Variants in MACF1 observed in about 807,000 individuals in gnomAD.
MACF1 encodes the protein microtubule-actin cross-linking factor 1.
Under a neutral mutation model 854.8 loss-of-function variants are expected in MACF1, and 193 were observed. That is an observed-to-expected ratio of 0.23 (90% CI 0.20 to 0.25). The LOEUF (loss-of-function observed/expected upper bound fraction) is 0.25. MACF1 is among the 10% of genes least tolerant of loss of function. MACF1 has a pLI of 1.00. For synonymous variants in MACF1, 3,185 were observed against 3,226.7 expected, an observed-to-expected ratio of 0.99 and a Z score of 0.44; for missense variants, 7,722 against 8,929.1, an observed-to-expected ratio of 0.86 and a Z score of 5.45.
chr1:39,205,190 T>C, intron 1 of MACF1, 59 bp downstream of exon 1: 1 of 700,326 alleles, frequency 1.4e-6, no homozygotes, highest in Non-Finnish European at 2.6e-6. Context: ...GAGGGTGGGG[T>C]GAATGATGGA....
intron 2 of MACF1, among the ~76,000 whole-genome samples, chr1:39,090,301 G>C (rs1420085672): frequency 4.6e-5 from 7 of 152,182 alleles, no homozygotes; most frequent in Admixed American, 4.6e-4. Flanking sequence ...CCCTGTCCTG[G>C]AGCTTGGTTT....
In MACF1 at chr1:39,283,059, A is replaced by G; in HGVS notation, c.696-130A>G. ...TAAAAATGGAATTTGTACTCTTCTA[A>G]ACCTCCTGCTTTTTCTCTAACTCAC... On this transcript the variant is annotated intron_variant, in intron 7 of 100. Transcript: ENST00000564288. The surrounding 1 kb of genome is among the most constrained non-coding windows in gnomAD (Gnocchi z 4.5). The G allele has an allele frequency of 1.6e-6, 1 of 638,216 alleles. No homozygotes were observed. Among genetic ancestry groups the G allele is most frequent in the South Asian group, 2.0e-5 (1 of 51,028 alleles). 39.5% of individuals were successfully genotyped at this position (638,216 alleles called of 1,614,324 possible). A position where few individuals can be genotyped will look rare whatever the true frequency, so the allele number is the denominator to read the frequency against.
At chr1:39,391,607 G>A (rs1284296820) in intron 58 of MACF1, among the ~76,000 whole-genome samples, 1 of 152,168 alleles carries the variant, frequency 6.6e-6, no homozygotes, top group Non-Finnish European at 1.5e-5. Context: ...GAGCTAAAAT[G>A]TACAAAAGAG....
intron 1 of MACF1, among the ~76,000 whole-genome samples, chr1:39,217,579 T>G (rs1644592131): frequency 6.6e-6 from 1 of 152,016 alleles, no homozygotes; most frequent in Non-Finnish European, 1.5e-5. Flanking sequence ...AAAAAGGGAT[T>G]AAAACAGACT....
chr1:39,433,637 T>G (rs1474541391), intron 68 of MACF1, among the ~76,000 whole-genome samples: 1 of 152,210 alleles, frequency 6.6e-6, no homozygotes, highest in Non-Finnish European at 1.5e-5. Context: ...ATTCATAAAC[T>G]GACTGAGCTA....
intron 6 of MACF1, among the ~76,000 whole-genome samples, chr1:39,265,079 A>C (rs1645215429): frequency 6.6e-6 from 1 of 152,244 alleles, no homozygotes. Flanking sequence ...AGAATCTGAC[A>C]AAACTAGTTT....
Position 39,423,901 on chromosome 1 carries a change from A to G in MACF1, c.16150-127A>G, listed in dbSNP as rs76466856. 2.1e-3 allele frequency: 1,555 copies of G among 746,596 alleles called. 12 individuals carry two copies. In the African/African-American group the frequency reaches 0.022, roughly 11 times the overall value. 46.2% of individuals were successfully genotyped at this position (746,596 alleles called of 1,614,324 possible). A position where few individuals can be genotyped will look rare whatever the true frequency, so the allele number is the denominator to read the frequency against. On this transcript the variant is annotated intron_variant, in intron 60 of 100. Transcript: ENST00000564288. ...ATCTCCTGTTTTTGCCCCAAGGATG[A>G]AAAAAACTTCTTTTACTCAATGAAG...
chr1:39,395,559 T>C (rs1642240158), intron 58 of MACF1, among the ~76,000 whole-genome samples: 1 of 152,236 alleles, frequency 6.6e-6, no homozygotes, highest in African/African-American at 2.4e-5. Flanking sequence ...GATGATGCAT[T>C]GCCAAAGAGA....
Position 39,340,500 on chromosome 1 carries a change from A to T in MACF1, c.10216-2A>T. 6.2e-7 allele frequency: 1 copy of T among 1,605,284 alleles called. No homozygotes were observed. Among genetic ancestry groups the T allele is most frequent in the Non-Finnish European group, 8.5e-7 (1 of 1,173,898 alleles). Reference sequence around the variant, plus strand: ...ATAGGTAACTCCACTTTATTCCCTCAGGTATTAGAAAGGGAGTTAAAGGAT... The same window carrying T: ...ATAGGTAACTCCACTTTATTCCCTCTGGTATTAGAAAGGGAGTTAAAGGAT... On this transcript the variant is annotated splice_acceptor_variant, in intron 38 of 100. Transcript: ENST00000564288. LOFTEE classifies it high-confidence loss of function.
chr1:39,334,205 G>C lies in MACF1; in HGVS notation c.7617G>C (p.Glu2539Asp). ...EDLAEKLKRV[E>D]NLNIHQIFNP... Reference sequence around the variant, plus strand: ...TAGCCGAGAAACTCAAAAGAGTTGAGAACTTAAACATCCATCAGATTTTTA... The same window carrying C: ...TAGCCGAGAAACTCAAAAGAGTTGACAACTTAAACATCCATCAGATTTTTA... Residue 2539 changes from glutamate (E) to aspartate (D), a missense_variant, in exon 37 of 101, where the codon GAG (glutamate) becomes GAC (aspartate). Transcript: ENST00000564288. 6.2e-7 allele frequency: 1 copy of C among 1,614,098 alleles called. No individual in the cohort carries two copies. Among genetic ancestry groups the C allele is most frequent in the South Asian group, 1.1e-5 (1 of 91,074 alleles).
chr1:39,131,085 C>CAGGAGTTAG (rs1642989272), intron 2 of MACF1, among the ~76,000 whole-genome samples: 1 of 148,692 alleles, frequency 6.7e-6, no homozygotes. Context: ...CTCCTGACCT[C>CAGGAGTTAG]AGGTGAACCA....
At chr1:39,201,969 T>C (rs1234655808), upstream of MACF1, among the ~76,000 whole-genome samples, 2 of 127,808 alleles carry the variant, frequency 1.6e-5, no homozygotes, top group Non-Finnish European at 3.3e-5. Flanking sequence ...TTTTTTTTTT[T>C]TTTTTTTTTT....
chr1:39,200,185 A>G (rs982820844), upstream of MACF1, among the ~76,000 whole-genome samples: 2 of 152,196 alleles, frequency 1.3e-5, no homozygotes. Context: ...TAGCTCTTGC[A>G]TGGTTAATTG....
chr1:39,152,253 A>T (rs187484721), intron 2 of MACF1, among the ~76,000 whole-genome samples: 3 of 152,192 alleles, frequency 2.0e-5, no homozygotes, highest in Non-Finnish European at 2.9e-5. Flanking sequence ...GATTACAGGC[A>T]TGCAACACTG....
intron 6 of MACF1, among the ~76,000 whole-genome samples, chr1:39,263,782 T>TTTTTTTTTTTTTTTTTTTTTTTA: frequency 7.3e-6 from 1 of 137,522 alleles, no homozygotes. Context: ...TTTTTTTTTT[T>TTTTTTTTTTTTTTTTTTTTTTTA]TTTTTTTTTG....
At chr1:39,408,920 T>G (rs1642838498) in intron 58 of MACF1, among the ~76,000 whole-genome samples, 3 of 151,230 alleles carry the variant, frequency 2.0e-5, no homozygotes, top group Non-Finnish European at 4.4e-5. Context: ...GTCGCTCCTC[T>G]CCCCGGCCCC....
chr1:39,411,967 AGC>A, intron 58 of MACF1: 1 of 1,613,998 alleles, frequency 6.2e-7, no homozygotes. Flanking sequence ...TTCCACTGTT[AGC>A]AAGGAGGAAT....
rs1296921678 is a variant in MACF1 at position 39,331,734 on chromosome 1, C to T, written c.5146C>T (p.Arg1716Ter). The part of the protein sequence containing the change: ...EKIGLLDLMQ[R>*]CIVHQESGFK... ...AATTGGTTTGCTGGATCTGATGCAG[C>T]GATGTATTGTCCACCAGGAATCAGG... is the stretch of plus-strand genomic sequence containing the variant. Residue 1716 changes from arginine to a stop codon, truncating the protein, a stop_gained, in exon 37 of 101, where the codon CGA becomes TGA. Coordinates refer to ENST00000564288, the MANE Select transcript of MACF1 (RefSeq NM_001394062.1). LOFTEE classifies it high-confidence loss of function. 3 of 1,613,966 alleles carry T rather than the reference C, an allele frequency of 1.9e-6. No individual in the cohort carries two copies. Among genetic ancestry groups the T allele is most frequent in the Non-Finnish European group, 2.5e-6 (3 of 1,180,036 alleles).
intron 2 of MACF1, among the ~76,000 whole-genome samples, chr1:39,109,625 C>T (rs1642343093): frequency 6.6e-6 from 1 of 151,516 alleles, no homozygotes; most frequent in African/African-American, 2.4e-5. Context: ...CTATCTCCTA[C>T]CAGAAGGAAC....
Sources: gnomAD v4.1 joint callset for allele counts (sites outside exome capture counted in the v4.1 genomes callset) on GRCh38, gnomAD v4.1.1 for gene constraint, Gnocchi (gnomAD v3.1) non-coding constraint, MANE v1.5 for transcripts, NCBI Gene and HGNC (gene_info 2026-07-23, HGNC 2026-07-21) for gene names.